The following PLS1 variants were observed in gnomAD, a reference collection of about 807,000 sequenced individuals.
PLS1 encodes the protein plastin-1.
In PLS1, 32 loss-of-function variants were observed where a neutral mutation model predicts 73.7. That is an observed-to-expected ratio of 0.43 (90% CI 0.33 to 0.58). The LOEUF (loss-of-function observed/expected upper bound fraction) is 0.58. Ranked by LOEUF, PLS1 falls within the 20% of genes least tolerant of loss-of-function variation. PLS1 has a pLI of 0.04. For synonymous variants in PLS1, 217 were observed against 261.3 expected (o/e 0.83, Z 1.63); for missense variants, 633 against 740.5 (o/e 0.85, Z 1.68).
intron 14 of PLS1, among the ~76,000 whole-genome samples, chr3:142,706,039 ATTG>A (rs2038455785): frequency 6.6e-6 from 1 of 152,210 alleles, no homozygotes. Context: ...ATTCTTTAAA[ATTG>A]TTATGTTGAA....
At position 142,638,934 on chromosome 3, in the gene PLS1, T is replaced by C. The variant is rs947018678; in HGVS notation, c.-36-25268T>C. ...TTTTGTATTTTTAGTAGAGACGGAG[T>C]TTCTCCATGTTGGTCAGGCTGGTCT... is the stretch of plus-strand genomic sequence containing the variant. On this transcript the variant is annotated intron_variant, in intron 1 of 15. Transcript: ENST00000457734. Among the ~76,000 whole-genome samples the C allele has an allele frequency of 5.3e-5, 8 of 151,920 alleles. No homozygotes were observed. The South Asian group carries it at 6.2e-4, about 12-fold the overall frequency.
Position 142,711,997 on chromosome 3 carries a change from G to T in PLS1, c.1880G>T (p.Arg627Ile). ...FACLMGKGLN[R>I]IK ...TGCTTAATGGGAAAAGGACTGAACA[G>T]AATAAAATAATCATTTCATATGATT... The change falls in exon 16 of 16, where the codon AGA (arginine) becomes ATA (isoleucine). Residue 627 changes from arginine (R) to isoleucine (I), a missense_variant. Transcript: ENST00000457734. 6.2e-7 allele frequency: 1 copy of T among 1,612,306 alleles called. No individual in the cohort carries two copies. The highest frequency in any genetic ancestry group is 8.5e-7 in the Non-Finnish European group (1 of 1,178,764).
chr3:142,693,691 C>T (rs894369850), intron 10 of PLS1, among the ~76,000 whole-genome samples: 6 of 152,046 alleles, frequency 3.9e-5, no homozygotes, highest in African/African-American at 4.8e-5. Flanking sequence ...TACTATGACC[C>T]GCATTTTCCT....
At chr3:142,706,055 T>C (rs1265092482) in intron 14 of PLS1, among the ~76,000 whole-genome samples, 3 of 152,246 alleles carry the variant, frequency 2.0e-5, no homozygotes, top group Non-Finnish European at 2.9e-5. Flanking sequence ...ATGTTGAAAT[T>C]ATATGCATTT....
intron 1 of PLS1, among the ~76,000 whole-genome samples, chr3:142,609,134 G>A (rs2036074653): frequency 1.3e-5 from 2 of 152,292 alleles, no homozygotes; most frequent in South Asian, 4.1e-4. Context: ...GCTAATTTTT[G>A]TAAACTGCCC....
chr3:142,621,476 A>G (rs2036312729), intron 1 of PLS1, among the ~76,000 whole-genome samples: 2 of 152,252 alleles, frequency 1.3e-5, no homozygotes, highest in South Asian at 4.1e-4. Context: ...AAATCATGGT[A>G]TAGTCATACA....
At chr3:142,648,837 C>G (rs1001751480) in intron 1 of PLS1, among the ~76,000 whole-genome samples, 8 of 152,186 alleles carry the variant, frequency 5.3e-5, no homozygotes, top group Non-Finnish European at 1.2e-4. Flanking sequence ...TCATGCCACA[C>G]AGCAAACTAT....
At position 142,684,388 on chromosome 3, in the gene PLS1, A is replaced by G; in HGVS notation, c.881A>G (p.Asp294Gly). Residue 294 changes from aspartate to glycine, a missense_variant, in exon 8 of 16, where the codon GAC becomes GGC. By Grantham distance (94) the Asp-to-Gly change is moderately conservative (BLOSUM62 -1). Coordinates refer to ENST00000457734, the MANE Select transcript of PLS1 (RefSeq NM_001145319.2). ...CATACCATCAGCAACTTCAGCCAAG[A>G]CATTAAGGTTTATATTTAAATGTTC... ...GWHTISNFSQ[D>G]IKDSRAYFHL... is the part of the protein sequence containing the mutation. 3 of 1,612,698 alleles carry G rather than the reference A, an allele frequency of 1.9e-6. No homozygotes were observed. Among genetic ancestry groups the G allele is most frequent in the African/African-American group, 1.3e-5 (1 of 75,022 alleles).
intron 14 of PLS1, among the ~76,000 whole-genome samples, chr3:142,707,363 C>G (rs939385183): frequency 3.5e-5 from 5 of 141,636 alleles, no homozygotes; most frequent in Non-Finnish European, 7.7e-5. Context: ...ATAAATTTCC[C>G]TTGCTAAGAA....
chr3:142,612,986 G>A (rs1161639961), intron 1 of PLS1, among the ~76,000 whole-genome samples: 1 of 151,974 alleles, frequency 6.6e-6, no homozygotes, highest in Non-Finnish European at 1.5e-5. Flanking sequence ...GGCTGGTCTC[G>A]AACTCCCAAC....
intron 6 of PLS1, 87 bp from the exon 7 acceptor site, chr3:142,683,919 G>T (rs2037906993): frequency 3.5e-6 from 3 of 856,054 alleles, no homozygotes; most frequent in Admixed American, 2.7e-5. Flanking sequence ...CTGAAATTTG[G>T]CAGTCCATTG....
At chr3:142,686,397 T>C (rs1332923268) in intron 9 of PLS1, 21 bp downstream of exon 9, 1 of 1,370,586 alleles carries the variant, frequency 7.3e-7, no homozygotes, top group Non-Finnish European at 1.0e-6. Flanking sequence ...TTTTTAACTT[T>C]TAAAATATAT....
chr3:142,606,078 A>G (rs928038190), intron 1 of PLS1, among the ~76,000 whole-genome samples: 1 of 152,234 alleles, frequency 6.6e-6, no homozygotes, highest in Non-Finnish European at 1.5e-5. Flanking sequence ...AATTCAGAGG[A>G]AATAACTGAA....
chr3:142,643,479 T>G (rs1193156647), intron 1 of PLS1, among the ~76,000 whole-genome samples: 2 of 152,220 alleles, frequency 1.3e-5, no homozygotes, highest in African/African-American at 4.8e-5. Flanking sequence ...GGGCATCAGA[T>G]AAGAGCCAAA....
intron 1 of PLS1, among the ~76,000 whole-genome samples, chr3:142,635,093 T>G (rs1412958833): frequency 6.6e-6 from 1 of 152,076 alleles, no homozygotes; most frequent in Non-Finnish European, 1.5e-5. Flanking sequence ...GTAATATTCT[T>G]ATGCTATATT....
chr3:142,712,178 T>G lies in PLS1; in HGVS notation c.*171T>G. 1.9e-6 allele frequency: 1 copy of G among 533,590 alleles called. No individual in the cohort carries two copies. The highest frequency in any genetic ancestry group is 3.2e-6 in the Non-Finnish European group (1 of 309,198). 33.1% of individuals were successfully genotyped at this position (533,590 alleles called of 1,614,324 possible). A position where few individuals can be genotyped will look rare whatever the true frequency, so the allele number is the denominator to read the frequency against. On this transcript the variant is annotated 3_prime_UTR_variant, in exon 16 of 16. Coordinates refer to ENST00000457734, the MANE Select transcript of PLS1 (RefSeq NM_001145319.2). ...TACTAGTTAGAGCTGGTCAGCCTTT[T>G]TGGGTAACACAGTTAATTTACCAAC...
chr3:142,636,354 G>A (rs1461911410), intron 1 of PLS1, among the ~76,000 whole-genome samples: 3 of 152,114 alleles, frequency 2.0e-5, no homozygotes, highest in Admixed American at 2.0e-4. Flanking sequence ...AACAATAATT[G>A]CCCACAAATG....
chr3:142,698,074 G>C lies in PLS1; in HGVS notation c.1371+7G>C, dbSNP rs768882228. Reference sequence around the variant, plus strand: ...TGGAGGGAACATGAAGAAGGTGAATGAAATAATGGCCATGGATATATTGTT... The same window carrying C: ...TGGAGGGAACATGAAGAAGGTGAATCAAATAATGGCCATGGATATATTGTT... On this transcript the variant is annotated splice_region_variant and intron_variant, in intron 12 of 15. Coordinates refer to ENST00000457734, the MANE Select transcript of PLS1 (RefSeq NM_001145319.2). The C allele has an allele frequency of 7.2e-7, 1 of 1,396,328 alleles. No individual in the cohort carries two copies. The highest frequency in any genetic ancestry group is 1.7e-5 in the Admixed American group (1 of 59,596). 86.5% of individuals were successfully genotyped at this position (1,396,328 alleles called of 1,614,324 possible). A position where few individuals can be genotyped will look rare whatever the true frequency, so the allele number is the denominator to read the frequency against.
chr3:142,603,245 T>C (rs181642607), intron 1 of PLS1, among the ~76,000 whole-genome samples: 4 of 152,328 alleles, frequency 2.6e-5, no homozygotes, highest in African/African-American at 9.6e-5. Flanking sequence ...GAGACATATG[T>C]AGCATGGCTT....
Sources: allele counts gnomAD v4.1 joint callset (sites outside exome capture counted in the v4.1 genomes callset), GRCh38; gene constraint gnomAD v4.1.1; transcripts MANE v1.5; gene names NCBI Gene and HGNC (gene_info 2026-07-23, HGNC 2026-07-21).